ADAMTSL2: variants seen among roughly 807,000 people sequenced by gnomAD.
ADAMTSL2 encodes ADAMTS like 2, also known as ADAMTS-like protein 2.
ADAMTSL2 carries 55 observed loss-of-function variants against 117.0 expected under a neutral mutation model. The observed-to-expected ratio is 0.47, with a 90% confidence interval of 0.38 to 0.59. ADAMTSL2 has a LOEUF of 0.59. Among genes scored for constraint, ADAMTSL2 ranks in the 20% least tolerant of loss-of-function variants. The probability of loss-of-function intolerance (pLI) is 0.00; values close to 1 mark genes in which losing one functional copy is unlikely to be tolerated. For missense variants in ADAMTSL2, 1,182 were observed against 1,354.5 expected (o/e 0.87, Z 2.00); for synonymous variants, 572 against 566.4 (o/e 1.01, Z -0.14).
chr9:133,536,880 T>G, intron 2 of ADAMTSL2, 78 bp downstream of exon 2: 1 of 1,601,664 alleles, frequency 6.2e-7, no homozygotes, highest in Non-Finnish European at 8.5e-7. Context: ...ATGGACTGGC[T>G]TGGAGGGAGC....
At chr9:133,536,886 G>A in intron 2 of ADAMTSL2, 84 bp downstream of exon 2, 2 of 1,593,874 alleles carry the variant, frequency 1.3e-6, no homozygotes, top group Non-Finnish European at 8.6e-7. Context: ...TGGCTTGGAG[G>A]GAGCCGTGTG....
At chr9:133,574,376 G>A (rs1831179806) in intron 18 of ADAMTSL2, among the ~76,000 whole-genome samples, 1 of 152,202 alleles carries the variant, frequency 6.6e-6, no homozygotes, top group African/African-American at 2.4e-5. Flanking sequence ...CAGGGCCTGG[G>A]CACCTGGAGG....
intron 10 of ADAMTSL2, among the ~76,000 whole-genome samples, chr9:133,555,180 G>A (rs988508920): frequency 6.6e-6 from 1 of 151,878 alleles, no homozygotes; most frequent in Non-Finnish European, 1.5e-5. Flanking sequence ...TGTCTCTGTC[G>A]GTCCCCTTCT....
chr9:133,561,307 G>A lies in ADAMTSL2; in HGVS notation c.1747+12G>A, dbSNP rs909874705. 8.3e-6 allele frequency: 13 copies of A among 1,575,648 alleles called. No homozygotes were observed. The Admixed American group carries it at 1.1e-4, about 13-fold the overall frequency. On this transcript the variant is annotated intron_variant, in intron 12 of 18. Coordinates refer to ENST00000651351, the MANE Select transcript of ADAMTSL2 (RefSeq NM_014694.4). ...CACCTGCACCACAGGTACTGGTCAC[G>A]GGTGCCAAGGGGCAGCAACTGCCCT... is the stretch of plus-strand genomic sequence containing the variant.
intron 12 of ADAMTSL2, among the ~76,000 whole-genome samples, chr9:133,564,625 G>GGA (rs377193081): frequency 0.31 from 6,287 of 20,536 alleles, 775 homozygotes; most frequent in East Asian, 0.57. Flanking sequence ...AGAGAGAGAG[G>GGA]GAGAGAGAGA....
Position 133,570,526 on chromosome 9 carries a change from C to T in ADAMTSL2, c.2592+19C>T. 1.2e-6 allele frequency: 2 copies of T among 1,606,074 alleles called. No homozygotes were observed. Among genetic ancestry groups the T allele is most frequent in the South Asian group, 2.2e-5 (2 of 89,690 alleles). On this transcript the variant is annotated intron_variant, in intron 17 of 18. Coordinates refer to ENST00000651351, the MANE Select transcript of ADAMTSL2 (RefSeq NM_014694.4). The stretch of plus-strand genomic sequence containing the variant: ...GTCAGAGGTGAGCTCCCAGCCGGCC[C>T]CTCTGAGGTTGCCTGAGGCCAGACC...
chr9:133,547,015 G>A lies in ADAMTSL2; in HGVS notation c.764-23G>A, dbSNP rs577173243. ...TCCCCCAGCCAGTTTGGCCTTTTGT[G>A]ACCGGCGGCTTTGCCCTTCCAGCTC... On this transcript the variant is annotated intron_variant, in intron 8 of 18. Transcript: ENST00000651351. The A allele has an allele frequency of 5.0e-5, 80 of 1,613,728 alleles. No individual in the cohort carries two copies. In the South Asian group the frequency reaches 8.0e-4, roughly 16 times the overall value.
upstream of ADAMTSL2, among the ~76,000 whole-genome samples, chr9:133,533,949 C>T (rs372587556): frequency 2.5e-4 from 38 of 152,144 alleles, no homozygotes; most frequent in African/African-American, 8.7e-4. Flanking sequence ...TGGGGCCCGC[C>T]GGGAGTTTCC....
At position 133,570,418 on chromosome 9, in the gene ADAMTSL2, C is replaced by T. The variant is rs1413015899; in HGVS notation, c.2503C>T (p.Pro835Ser). ...ANGKPQTRSG[P>S]ECGLAKKPPE... Reference sequence around the variant, plus strand: ...CGGGAAGCCGCAGACGCGCAGTGGCCCCGAGTGCGGGCTCGCCAAGAAGCC... The same window carrying T: ...CGGGAAGCCGCAGACGCGCAGTGGCTCCGAGTGCGGGCTCGCCAAGAAGCC... The change falls in exon 17 of 19, where the codon CCC becomes TCC. Residue 835 changes from proline to serine, a missense_variant. By Grantham distance (74) the Pro-to-Ser change is moderately conservative (BLOSUM62 -1). Transcript: ENST00000651351. 6.3e-7 allele frequency: 1 copy of T among 1,599,628 alleles called. No homozygotes were observed. The highest frequency in any genetic ancestry group is 1.7e-5 in the Admixed American group (1 of 58,806).
At chr9:133,534,994 G>T in intron 1 of ADAMTSL2, 77 bp downstream of exon 1, 1 of 1,317,404 alleles carries the variant, frequency 7.6e-7, no homozygotes, top group African/African-American at 1.5e-5. Context: ...GGGGCTGGGG[G>T]TAGGAGCACC....
chr9:133,560,998 C>G (rs1486549021), intron 11 of ADAMTSL2, among the ~76,000 whole-genome samples, 200 bp from the exon 12 acceptor site: 3 of 152,244 alleles, frequency 2.0e-5, no homozygotes, highest in Admixed American at 6.5e-5. Context: ...AAATGTGCCC[C>G]TCTGCGGGCG....
intron 4 of ADAMTSL2, among the ~76,000 whole-genome samples, chr9:133,539,121 G>A (rs1048177774): frequency 3.9e-5 from 6 of 152,174 alleles, no homozygotes; most frequent in Non-Finnish European, 8.8e-5. Context: ...GGAGTGAGGG[G>A]CTGGAGGGAG....
chr9:133,560,462 C>T (rs1177026708), intron 11 of ADAMTSL2, among the ~76,000 whole-genome samples: 8 of 152,206 alleles, frequency 5.3e-5, no homozygotes, highest in African/African-American at 1.9e-4. Flanking sequence ...CCAGAATGAG[C>T]CTGCACATTG....
At chr9:133,555,088 G>A (rs1282467621) in intron 10 of ADAMTSL2, among the ~76,000 whole-genome samples, 3 of 152,010 alleles carry the variant, frequency 2.0e-5, no homozygotes, top group African/African-American at 4.8e-5. Flanking sequence ...CAAAAGCTTC[G>A]GGGGCCCCAG....
intron 11 of ADAMTSL2, among the ~76,000 whole-genome samples, chr9:133,560,607 G>A (rs1307629658): frequency 6.6e-6 from 1 of 152,202 alleles, no homozygotes; most frequent in Non-Finnish European, 1.5e-5. Flanking sequence ...TGCCTCCCCC[G>A]ACCCCAGCAG....
At chr9:133,545,241 T>G (rs1830320679) in intron 8 of ADAMTSL2, among the ~76,000 whole-genome samples, 1 of 152,144 alleles carries the variant, frequency 6.6e-6, no homozygotes, top group South Asian at 2.1e-4. Context: ...TGTGAGCTGC[T>G]CTGTGCTCGG....
chr9:133,540,986 G>A lies in ADAMTSL2; in HGVS notation c.667G>A (p.Gly223Arg). The change falls in exon 7 of 19, where the codon GGG (glycine) becomes AGG (arginine). Residue 223 changes from glycine (G) to arginine (R), a missense_variant. By Grantham distance (125) the Gly-to-Arg change is moderately radical. Around this residue, in one of 3 missense-constraint regions of ADAMTSL2, gnomAD observed 372 missense variants for 463.4 expected, o/e 0.80. Coordinates refer to ENST00000651351, the MANE Select transcript of ADAMTSL2 (RefSeq NM_014694.4). ...CTHVTGNYRK[G>R]NAHLGYSLVT... is the part of the protein sequence containing the mutation. ...CCACGTGACGGGCAACTATCGCAAG[G>A]GGAATGCCCACCTTGGTAAGCCACA... The A allele has an allele frequency of 1.2e-6, 2 of 1,613,360 alleles. No individual in the cohort carries two copies. The highest frequency in any genetic ancestry group is 1.7e-6 in the Non-Finnish European group (2 of 1,179,988).
At chr9:133,552,498 G>GT (rs1453095976) in intron 9 of ADAMTSL2, among the ~76,000 whole-genome samples, 2 of 152,338 alleles carry the variant, frequency 1.3e-5, no homozygotes, top group Admixed American at 6.5e-5. Context: ...GAGCGGGAGC[G>GT]TAAGTGTAGC....
intron 9 of ADAMTSL2, among the ~76,000 whole-genome samples, chr9:133,552,966 C>T (rs919460309): frequency 7.9e-5 from 12 of 152,198 alleles, no homozygotes; most frequent in Non-Finnish European, 1.2e-4. Flanking sequence ...CTGGTCCTGC[C>T]GTTCCATTGG....
Sources: gnomAD v4.1 joint callset for allele counts (sites outside exome capture counted in the v4.1 genomes callset) on GRCh38, gnomAD v4.1.1 for gene constraint, gnomAD v4.1.1 regional missense constraint, MANE v1.5 for transcripts, NCBI Gene and HGNC (gene_info 2026-07-23, HGNC 2026-07-21) for gene names.